Variants in SV2C observed in about 807,000 individuals in gnomAD.
The protein encoded by SV2C is synaptic vesicle glycoprotein 2C.
A neutral mutation model predicts 79.7 loss-of-function variants in SV2C; 49 were observed. The ratio of observed to expected loss-of-function variants is 0.61; its 90% CI spans 0.49 to 0.78. The LOEUF is 0.78. Ranked by LOEUF, SV2C falls within the 30% of genes least tolerant of loss-of-function variation. SV2C has a pLI of 0.00. For synonymous variants in SV2C, 334 were observed against 333.2 expected (o/e 1.00, Z -0.03); for missense variants, 833 against 912.9 (o/e 0.91, Z 1.13).
At chr5:76,158,920 A>G (rs1316709078) in intron 2 of SV2C, among the ~76,000 whole-genome samples, 2 of 152,060 alleles carry the variant, frequency 1.3e-5, no homozygotes, top group Non-Finnish European at 1.5e-5. Context: ...AGCTGAATCC[A>G]GAAACGTATG....
chr5:76,302,396 G>A (rs1214455498), intron 12 of SV2C, among the ~76,000 whole-genome samples: 12 of 152,160 alleles, frequency 7.9e-5, no homozygotes, highest in Admixed American at 5.2e-4. Flanking sequence ...AGGCCGAGGC[G>A]GGCAGATCAC....
chr5:76,223,388 A>G (rs1745128866), intron 4 of SV2C, among the ~76,000 whole-genome samples: 1 of 143,200 alleles, frequency 7.0e-6, no homozygotes, highest in Non-Finnish European at 1.5e-5. Context: ...TGGTCAGGCC[A>G]CTGCACTCCA....
the SV2C span, among the ~76,000 whole-genome samples, chr5:76,035,838 C>G: frequency 6.6e-6 from 1 of 152,026 alleles, no homozygotes; most frequent in Non-Finnish European, 1.5e-5. Flanking sequence ...CTAATGTTGA[C>G]AGTGGGGTGT....
At chr5:75,932,025 T>A in the SV2C span, among the ~76,000 whole-genome samples, 1 of 152,314 alleles carries the variant, frequency 6.6e-6, no homozygotes, top group Admixed American at 6.5e-5. Context: ...TGTTGCTCAC[T>A]TCATTCCCAT....
the SV2C span, among the ~76,000 whole-genome samples, chr5:75,874,039 T>C: frequency 6.6e-6 from 1 of 152,164 alleles, no homozygotes; most frequent in Non-Finnish European, 1.5e-5. Flanking sequence ...CAGGGACTCC[T>C]TCCTAATTCA....
intron 12 of SV2C, among the ~76,000 whole-genome samples, chr5:76,313,530 CA>C (rs1748527036): frequency 1.3e-5 from 2 of 152,168 alleles, no homozygotes; most frequent in Admixed American, 1.3e-4. Context: ...AGCACAAAAA[CA>C]GTCACAAAGT....
chr5:76,245,800 G>T (rs754662588), intron 4 of SV2C, among the ~76,000 whole-genome samples: 1 of 152,094 alleles, frequency 6.6e-6, no homozygotes, highest in East Asian at 1.9e-4. Context: ...AATTATTGGA[G>T]CCAGGAAGAG....
chr5:75,963,055 C>T, the SV2C span, among the ~76,000 whole-genome samples: 1 of 151,960 alleles, frequency 6.6e-6, no homozygotes, highest in Admixed American at 6.6e-5. Flanking sequence ...GTGTAAAATG[C>T]AGTGGAGACT....
chr5:75,967,962 C>G, the SV2C span, among the ~76,000 whole-genome samples: 3 of 152,198 alleles, frequency 2.0e-5, no homozygotes, highest in Non-Finnish European at 2.9e-5. Context: ...AGGTACTCCT[C>G]TGAGACAAAA....
the SV2C span, among the ~76,000 whole-genome samples, chr5:76,021,411 T>C: frequency 6.6e-6 from 1 of 152,216 alleles, no homozygotes; most frequent in South Asian, 2.1e-4. Flanking sequence ...CTCTTATTGA[T>C]AGCATCAGGT....
At chr5:76,146,797 T>TAAA (rs34569063) in intron 2 of SV2C, among the ~76,000 whole-genome samples, 1,067 of 39,322 alleles carry the variant, frequency 0.027, 57 homozygotes, top group African/African-American at 0.038. Context: ...AGTTTTTTTT[T>TAAA]AAAAAAAAAA....
intron 2 of SV2C, among the ~76,000 whole-genome samples, chr5:76,183,164 C>T (rs182262405): frequency 6.0e-5 from 9 of 150,648 alleles, no homozygotes; most frequent in East Asian, 2.0e-4. Flanking sequence ...GCTGGGATTA[C>T]GGGTGCCTGC....
chr5:75,972,856 T>G, the SV2C span, among the ~76,000 whole-genome samples: 1 of 152,102 alleles, frequency 6.6e-6, no homozygotes, highest in African/African-American at 2.4e-5. Context: ...TAAATCATGC[T>G]GCTATAAAGA....
At chr5:76,079,680 T>C, upstream of SV2C, 1 of 333,380 alleles carries the variant, frequency 3.0e-6, no homozygotes, top group East Asian at 9.0e-5. Context: ...CTGTATTGCC[T>C]TGTGGAATTC....
intron 4 of SV2C, chr5:76,281,164 G>T (rs1747181837): frequency 1.3e-5 from 7 of 538,580 alleles, no homozygotes; most frequent in Non-Finnish European, 2.6e-5. Flanking sequence ...ATCACAACTA[G>T]GTTTAATAGA....
intron 12 of SV2C, among the ~76,000 whole-genome samples, chr5:76,311,014 T>C (rs1434306710): frequency 6.6e-6 from 1 of 152,224 alleles, no homozygotes; most frequent in Non-Finnish European, 1.5e-5. Context: ...AAGTTAGACT[T>C]CCCTATAACC....
In SV2C at chr5:76,301,411, C is replaced by G; in HGVS notation, c.1866C>G (p.Ile622Met). Residue 622 changes from isoleucine (I) to methionine (M), a missense_variant, in exon 12 of 13, where the codon ATC becomes ATG. Coordinates refer to ENST00000502798, the MANE Select transcript of SV2C (RefSeq NM_014979.4). ...MLGGSMVLSG[I>M]SCFFLWFGTS... ...GTGGCTCTATGGTGCTTTCGGGGAT[C>G]AGCTGTTTCTTCCTTTGGTTCGGCA... 6.2e-7 allele frequency: 1 copy of G among 1,614,048 alleles called. No individual in the cohort carries two copies. Among genetic ancestry groups the G allele is most frequent in the Non-Finnish European group, 8.5e-7 (1 of 1,179,980 alleles).
chr5:76,301,019 G>A, intron 11 of SV2C, 87 bp downstream of exon 11: 1 of 1,417,156 alleles, frequency 7.1e-7, no homozygotes, highest in Admixed American at 2.0e-5. Flanking sequence ...ATCTATTAGG[G>A]ATTTGCATCC....
At chr5:76,199,595 T>C (rs564283163) in intron 3 of SV2C, among the ~76,000 whole-genome samples, 5 of 152,362 alleles carry the variant, frequency 3.3e-5, no homozygotes, top group African/African-American at 1.2e-4. Context: ...TCCAAAGGGC[T>C]GGGACTGTCG....
Sources: gnomAD v4.1 joint callset for allele counts (sites outside exome capture counted in the v4.1 genomes callset) on GRCh38, gnomAD v4.1.1 for gene constraint, MANE v1.5 for transcripts, NCBI Gene and HGNC (gene_info 2026-07-23, HGNC 2026-07-21) for gene names.